Variants in MYO10 observed in about 807,000 individuals in gnomAD.
MYO10 encodes unconventional myosin-X.
A neutral mutation model predicts 257.3 loss-of-function variants in MYO10; 133 were observed. That is an observed-to-expected ratio of 0.52 (90% confidence interval 0.45 to 0.60). The LOEUF is 0.60. Ranked by LOEUF, MYO10 falls within the 20% of genes least tolerant of loss-of-function variation. MYO10 has a pLI of 0.00. For synonymous variants in MYO10, 1,104 were observed against 1,028.6 expected (o/e 1.07, Z -1.40); for missense variants, 2,399 against 2,635.7 (o/e 0.91, Z 1.97).
intron 1 of MYO10, among the ~76,000 whole-genome samples, chr5:16,888,991 G>C (rs1744968002): frequency 6.6e-6 from 1 of 151,898 alleles, no homozygotes; most frequent in East Asian, 1.9e-4. Context: ...TGGGCAATAT[G>C]GCAAAACCCT....
At chr5:16,859,028 T>A (rs1744040049) in intron 2 of MYO10, among the ~76,000 whole-genome samples, 2 of 152,086 alleles carry the variant, frequency 1.3e-5, no homozygotes, top group Admixed American at 1.3e-4. Flanking sequence ...ATGGGGCTCC[T>A]GTTTGGGATT....
At chr5:16,921,287 T>A (rs1371160502) in intron 1 of MYO10, among the ~76,000 whole-genome samples, 2 of 151,958 alleles carry the variant, frequency 1.3e-5, no homozygotes, top group Non-Finnish European at 2.9e-5. Flanking sequence ...GGAGAACAAC[T>A]GTCAGTTTAA....
intron 33 of MYO10, among the ~76,000 whole-genome samples, chr5:16,677,711 G>A (rs188492825): frequency 2.9e-4 from 43 of 150,710 alleles, no homozygotes; most frequent in African/African-American, 7.8e-4. Context: ...CATCGCACCC[G>A]GCCAACTTAT....
chr5:16,827,252 C>T lies in MYO10; in HGVS notation c.121-9085G>A, dbSNP rs370954026. Among the ~76,000 whole-genome samples, 8 of 152,264 alleles carry T rather than the reference C, an allele frequency of 5.3e-5. No homozygotes were observed. The East Asian group carries it at 7.7e-4, about 15-fold the overall frequency. On this transcript the variant is annotated intron_variant, in intron 2 of 40. Transcript: ENST00000513610. The stretch of plus-strand genomic sequence containing the variant: ...CAGCTCAAACTTGTCAGAGATTTGG[C>T]ACTCTAGTTACTATAGCCTAGGGGT...
At chr5:16,896,522 G>A (rs1226363900) in intron 1 of MYO10, among the ~76,000 whole-genome samples, 4 of 152,142 alleles carry the variant, frequency 2.6e-5, no homozygotes, top group African/African-American at 9.7e-5. Context: ...GAACCCAGGA[G>A]GCAGAGGCTG....
intron 19 of MYO10, among the ~76,000 whole-genome samples, chr5:16,753,064 A>C (rs73756208): frequency 1.1e-3 from 168 of 152,360 alleles, no homozygotes; most frequent in African/African-American, 3.9e-3. Context: ...TCTCACAGTA[A>C]GGTAACAAAC....
intron 21 of MYO10, 73 bp from the exon 22 acceptor site, chr5:16,704,758 A>G (rs570794763): frequency 6.7e-6 from 8 of 1,193,990 alleles, no homozygotes; most frequent in South Asian, 6.4e-5. Context: ...TGAGTCAAAG[A>G]TATCTTCTGG....
Position 16,666,417 on chromosome 5 carries a change from G to T in MYO10, c.*275C>A, listed in dbSNP as rs906423142. On this transcript the variant is annotated 3_prime_UTR_variant, in exon 41 of 41. Transcript: ENST00000513610. ...TAAGGCACTTCCGGCTGCTTTGGTG[G>T]CAGCGTGGTTCCTCCCCTCCTTTTT... 3 of 379,684 alleles carry T rather than the reference G, an allele frequency of 7.9e-6. No homozygotes were observed. Among genetic ancestry groups the T allele is most frequent in the Non-Finnish European group, 1.4e-5 (3 of 212,604 alleles). 23.5% of individuals were successfully genotyped at this position (379,684 alleles called of 1,614,324 possible). A position where few individuals can be genotyped will look rare whatever the true frequency, so the allele number is the denominator to read the frequency against.
At chr5:16,886,945 A>AC (rs1410129386) in intron 1 of MYO10, among the ~76,000 whole-genome samples, 1 of 151,808 alleles carries the variant, frequency 6.6e-6, no homozygotes, top group African/African-American at 2.4e-5. Context: ...AAAAAAAAAA[A>AC]AAAACAAAGC....
At chr5:16,700,348 G>GAAATA (rs902812918) in intron 25 of MYO10, among the ~76,000 whole-genome samples, 1 of 152,126 alleles carries the variant, frequency 6.6e-6, no homozygotes, top group South Asian at 2.1e-4. Context: ...AGGGAAGGAA[G>GAAATA]AAATAAAATA....
intron 19 of MYO10, among the ~76,000 whole-genome samples, chr5:16,712,930 G>T (rs139379221): frequency 3.3e-5 from 5 of 152,288 alleles, no homozygotes; most frequent in South Asian, 2.1e-4. Context: ...CTCTTATGCC[G>T]TATCTCTGGA....
intron 2 of MYO10, among the ~76,000 whole-genome samples, chr5:16,840,391 G>A (rs253335): frequency 0.035 from 5,237 of 150,670 alleles, 244 homozygotes; most frequent in African/African-American, 0.11. Context: ...CAGCCTGGGC[G>A]ACAGAGCGAC....
At chr5:16,752,340 T>C (rs1001336194) in intron 19 of MYO10, among the ~76,000 whole-genome samples, 1 of 152,222 alleles carries the variant, frequency 6.6e-6, no homozygotes, top group Non-Finnish European at 1.5e-5. Context: ...TGGAGTGCAG[T>C]GGCGTGATCT....
intron 8 of MYO10, 97 bp from the exon 9 acceptor site, chr5:16,779,745 GTGCTCTTAACAGTCTCCCATAAAGA>G: frequency 1.4e-6 from 1 of 694,604 alleles, no homozygotes; most frequent in East Asian, 2.9e-5. Flanking sequence ...ATATAATTCT[GTGCTCTTAACAGTCTCCCATAAAGA>G]TAATAAAGTT....
intron 19 of MYO10, among the ~76,000 whole-genome samples, chr5:16,721,760 C>T (rs1237372158): frequency 1.3e-5 from 2 of 152,140 alleles, no homozygotes; most frequent in Non-Finnish European, 2.9e-5. Flanking sequence ...GCGCTTACCT[C>T]GGACCCACAC....
At chr5:16,820,581 G>A (rs1490854355) in intron 2 of MYO10, among the ~76,000 whole-genome samples, 1 of 152,122 alleles carries the variant, frequency 6.6e-6, no homozygotes, top group African/African-American at 2.4e-5. Flanking sequence ...ACTGAAGCCA[G>A]CACAACTATC....
Position 16,703,009 on chromosome 5 carries a change from C to T in MYO10, c.2426G>A (p.Arg809Lys). Reference sequence around the variant, plus strand: ...CTCCCTTTTCTCTGCCAGCAATTGTCTGTAAACTCTCCGAGCAATCTGACC... The same window carrying T: ...CTCCCTTTTCTCTGCCAGCAATTGTTTGTAAACTCTCCGAGCAATCTGACC... ...LRGQIARRVYRQLLAEKREQE... is the reference protein window; with the variant it reads ...LRGQIARRVYKQLLAEKREQE... The change falls in exon 23 of 41, where the codon AGA becomes AAA. Residue 809 changes from arginine (R) to lysine (K), a missense_variant. Around this residue, in one of 3 missense-constraint regions of MYO10, gnomAD observed 1,820 missense variants for 1,939.4 expected, o/e 0.94. Coordinates refer to ENST00000513610, the MANE Select transcript of MYO10 (RefSeq NM_012334.3). The T allele has an allele frequency of 6.4e-7, 1 of 1,552,386 alleles. No homozygotes were observed. Among genetic ancestry groups the T allele is most frequent in the South Asian group, 1.2e-5 (1 of 84,060 alleles).
Position 16,710,907 on chromosome 5 carries a change from C to T in MYO10, c.2169+1G>A. ...GGAGTTGCTCTTTCTCCGCATCGTACCTTGGTCTTCCCCAGCTGCCACTCG... is the reference window on the plus strand; with the variant it reads ...GGAGTTGCTCTTTCTCCGCATCGTATCTTGGTCTTCCCCAGCTGCCACTCG... On this transcript the variant is annotated splice_donor_variant, in intron 21 of 40. Transcript: ENST00000513610. LOFTEE classifies it high-confidence loss of function. The T allele has an allele frequency of 6.2e-7, 1 of 1,612,876 alleles. No individual in the cohort carries two copies. Among genetic ancestry groups the T allele is most frequent in the South Asian group, 1.1e-5 (1 of 90,708 alleles).
chr5:16,761,790 C>T (rs1740720330), intron 16 of MYO10, among the ~76,000 whole-genome samples: 1 of 152,084 alleles, frequency 6.6e-6, no homozygotes, highest in African/African-American at 2.4e-5. Context: ...GCTAGGACAA[C>T]AGATGTGTCA....
Sources: gnomAD v4.1 joint callset for allele counts (sites outside exome capture counted in the v4.1 genomes callset) on GRCh38, gnomAD v4.1.1 for gene constraint, gnomAD v4.1.1 regional missense constraint, MANE v1.5 for transcripts, NCBI Gene and HGNC (gene_info 2026-07-23, HGNC 2026-07-21) for gene names.